HNRNPR: variants seen among roughly 807,000 people sequenced by gnomAD.
HNRNPR encodes heterogeneous nuclear ribonucleoprotein R.
Under a neutral mutation model 70.3 loss-of-function variants are expected in HNRNPR, and 4 were observed. The observed-to-expected ratio is 0.06, with a 90% CI of 0.03 to 0.13. The LOEUF (loss-of-function observed/expected upper bound fraction) is 0.13, where lower values mean the gene tolerates loss of function less well. Among genes scored for constraint, HNRNPR ranks in the 10% least tolerant of loss-of-function variants. The probability of loss-of-function intolerance (pLI) is 1.00; values close to 1 mark genes in which losing one functional copy is unlikely to be tolerated. For synonymous variants in HNRNPR, 241 were observed against 267.6 expected (o/e 0.90, Z 0.97); for missense variants, 423 against 788.5 (o/e 0.54, Z 5.55).
At chr1:23,312,093 T>G (rs897794242) in intron 9 of HNRNPR, among the ~76,000 whole-genome samples, 1 of 152,190 alleles carries the variant, frequency 6.6e-6, no homozygotes, top group Non-Finnish European at 1.5e-5. Flanking sequence ...TTTTATTTTT[T>G]GTTTCCCTAT....
At position 23,333,505 on chromosome 1, in the gene HNRNPR, A is replaced by G. The variant is rs746792047; in HGVS notation, c.498+13T>C. The G allele has an allele frequency of 3.9e-6, 6 of 1,528,996 alleles. No individual in the cohort carries two copies. The highest frequency in any genetic ancestry group is 5.4e-6 in the Non-Finnish European group (6 of 1,102,304). The allele number at this position is 1,528,996 out of a possible 1,614,324, so 94.7% of individuals were successfully genotyped here. ...ACTGGAAAGATCTTGGTAAACTGCT[A>G]AAGAACACTTACCTCCGTTCCAATT... On this transcript the variant is annotated intron_variant, in intron 5 of 10. Transcript: ENST00000302271.
Position 23,318,167 on chromosome 1 carries a change from T to C in HNRNPR, c.1017+316A>G, listed in dbSNP as rs113639895. Among the ~76,000 whole-genome samples, 10 of 142,868 alleles carry C rather than the reference T, an allele frequency of 7.0e-5. No individual in the cohort carries two copies. Among genetic ancestry groups the C allele is most frequent in the African/African-American group, 2.4e-4 (8 of 33,628 alleles). The allele number at this position is 142,868 out of a possible 152,430, so 93.7% of individuals were successfully genotyped here. On this transcript the variant is annotated intron_variant, in intron 8 of 10. Coordinates refer to ENST00000302271, the MANE Select transcript of HNRNPR (RefSeq NM_005826.5). This position sits in a 1 kb window ranked among gnomAD's most constrained non-coding sequence, Gnocchi z 4.2. The stretch of plus-strand genomic sequence containing the variant: ...TTACTTCTCTCTTTACTCAGGACTT[T>C]TAAAAAAAAAAAAAACCTCTATCCC...
In HNRNPR at chr1:23,311,236, C is replaced by T. The variant is rs371771062; in HGVS notation, c.1254G>A (p.Glu418=). 1.2e-5 allele frequency: 20 copies of T among 1,613,578 alleles called. No individual in the cohort carries two copies. In the East Asian group the frequency reaches 2.0e-4, roughly 16 times the overall value. The change falls in exon 10 of 11, where the codon GAG becomes GAA. Residue 418 remains glutamate (E), a synonymous_variant. Transcript: ENST00000302271. ...LAKPPDKKRK[E]RQAARQASRS... The stretch of plus-strand genomic sequence containing the variant: ...TGGAGGCCTGTCTAGCAGCTTGGCG[C>T]TCTTTCCTTTTCTTGTCTGGTGGCT...
At position 23,343,907 on chromosome 1, in the gene HNRNPR, A is replaced by C. The variant is rs1025357769; in HGVS notation, c.-10+304T>G. Reference sequence around the variant, plus strand: ...CAGGCCCTTCGCGGGATCCGGCCGCATGGAGCAGCGAGCGGAGGCGGGAAA... The same window carrying C: ...CAGGCCCTTCGCGGGATCCGGCCGCCTGGAGCAGCGAGCGGAGGCGGGAAA... On this transcript the variant is annotated intron_variant, in intron 1 of 10. Coordinates refer to ENST00000302271, the MANE Select transcript of HNRNPR (RefSeq NM_005826.5). Among the ~76,000 whole-genome samples, 3 of 152,220 alleles carry C rather than the reference A, an allele frequency of 2.0e-5. 1 individual carries two copies. Among genetic ancestry groups the C allele is most frequent in the African/African-American group, 7.2e-5 (3 of 41,562 alleles).
chr1:23,304,777 T>A lies in HNRNPR; in HGVS notation c.*5677A>T, dbSNP rs1400140444. On this transcript the variant is annotated 3_prime_UTR_variant, in exon 11 of 11. Transcript: ENST00000302271. The stretch of plus-strand genomic sequence containing the variant: ...GTACATGAACACTGTACCAAAAGCA[T>A]GATTTTTATTAAACTGATGATTAAA... The A allele has an allele frequency of 1.3e-5, 2 of 152,202 alleles. No homozygotes were observed. The highest frequency in any genetic ancestry group is 4.8e-5 in the African/African-American group (2 of 41,454). The allele number at this position is 152,202 out of a possible 1,614,324, so 9.4% of individuals were successfully genotyped here.
chr1:23,326,988 A>G (rs1646012934), intron 5 of HNRNPR, among the ~76,000 whole-genome samples: 1 of 152,160 alleles, frequency 6.6e-6, no homozygotes, highest in African/African-American at 2.4e-5. Context: ...CAAAATGATT[A>G]AAACCCAGCC....
At chr1:23,342,778 T>G (rs1646751534) in intron 1 of HNRNPR, among the ~76,000 whole-genome samples, 1 of 152,194 alleles carries the variant, frequency 6.6e-6, no homozygotes, top group South Asian at 2.1e-4. Context: ...GGCAAATTTT[T>G]AACAGAAAAG....
chr1:23,333,907 C>T (rs769607316), intron 4 of HNRNPR, among the ~76,000 whole-genome samples: 3 of 151,966 alleles, frequency 2.0e-5, no homozygotes, highest in Non-Finnish European at 4.4e-5. Flanking sequence ...CCATTTCTCC[C>T]TACTGTCTTT....
rs779092029 is a variant in HNRNPR, at chr1:23,313,549, C to T, written c.1167+4G>A. 3 of 1,530,930 alleles carry T rather than the reference C, an allele frequency of 2.0e-6. No individual in the cohort carries two copies. The South Asian group carries it at 3.8e-5, about 19-fold the overall frequency. 94.8% of individuals were successfully genotyped at this position (1,530,930 alleles called of 1,614,324 possible). A position where few individuals can be genotyped will look rare whatever the true frequency, so the allele number is the denominator to read the frequency against. On this transcript the variant is annotated splice_donor_region_variant and intron_variant, in intron 9 of 10. Coordinates refer to ENST00000302271, the MANE Select transcript of HNRNPR (RefSeq NM_005826.5). Reference sequence around the variant, plus strand: ...ATCAAGAACCAAAATTTCAAAATTCCTACCTTAACAGCTGCTCCTCTGTCT... The same window carrying T: ...ATCAAGAACCAAAATTTCAAAATTCTTACCTTAACAGCTGCTCCTCTGTCT...
intron 7 of HNRNPR, among the ~76,000 whole-genome samples, chr1:23,319,164 A>C (rs1569951531): frequency 1.3e-5 from 2 of 152,162 alleles, no homozygotes; most frequent in East Asian, 1.9e-4. Flanking sequence ...CTTTGCCCTT[A>C]TCTCTCCGTA....
At chr1:23,321,871 C>A (rs2148377112) in intron 6 of HNRNPR, among the ~76,000 whole-genome samples, 1 of 152,282 alleles carries the variant, frequency 6.6e-6, no homozygotes, top group Non-Finnish European at 1.5e-5. Context: ...ACCTTCACTA[C>A]TCTTCCATAT....
intron 4 of HNRNPR, among the ~76,000 whole-genome samples, chr1:23,336,977 T>C (rs1247774552): frequency 6.6e-6 from 1 of 152,226 alleles, no homozygotes; most frequent in Non-Finnish European, 1.5e-5. Context: ...GTGCTTTATA[T>C]ATGTTAATTC....
At chr1:23,338,311 T>C (rs1646580664) in intron 3 of HNRNPR, 179 bp downstream of exon 3, 1 of 410,618 alleles carries the variant, frequency 2.4e-6, no homozygotes, top group Non-Finnish European at 4.4e-6. Flanking sequence ...GAGAAAACTT[T>C]TGCTTTATAC....
chr1:23,317,529 C>A (rs938553817), intron 8 of HNRNPR, among the ~76,000 whole-genome samples: 4 of 152,056 alleles, frequency 2.6e-5, no homozygotes, highest in African/African-American at 9.7e-5. Context: ...GTACTCAAGG[C>A]ACCACTATTA....
At chr1:23,338,468 C>T in intron 3 of HNRNPR, 22 bp downstream of exon 3, 1 of 925,216 alleles carries the variant, frequency 1.1e-6, no homozygotes. Flanking sequence ...TGTTCAAAGA[C>T]ATTTCTGAGT....
Position 23,305,032 on chromosome 1 carries a change from T to C in HNRNPR, c.*5422A>G, listed in dbSNP as rs1645183072. On this transcript the variant is annotated 3_prime_UTR_variant, in exon 11 of 11. Transcript: ENST00000302271. ...ATGTGAGAAATCAAGAAAAGCAATG[T>C]TCATGGGATCCTGACAAATCTACTA... is the stretch of plus-strand genomic sequence containing the variant. 6.6e-6 allele frequency: 1 copy of C among 152,210 alleles called. No individual in the cohort carries two copies. Among genetic ancestry groups the C allele is most frequent in the East Asian group, 1.9e-4 (1 of 5,196 alleles). The allele number at this position is 152,210 out of a possible 1,614,324, so 9.4% of individuals were successfully genotyped here. A position where few individuals can be genotyped will look rare whatever the true frequency, so the allele number is the denominator to read the frequency against.
At chr1:23,343,612 G>A (rs975499643) in intron 1 of HNRNPR, among the ~76,000 whole-genome samples, 5 of 152,208 alleles carry the variant, frequency 3.3e-5, no homozygotes, top group African/African-American at 9.6e-5. Context: ...ACGGCCTCTA[G>A]TAGTCATTTT....
chr1:23,343,181 T>C (rs1646769142), intron 1 of HNRNPR, among the ~76,000 whole-genome samples: 1 of 152,152 alleles, frequency 6.6e-6, no homozygotes. Flanking sequence ...TCATTTGATC[T>C]AAACATTTTT....
chr1:23,333,780 TC>T, intron 4 of HNRNPR, 149 bp from the exon 5 acceptor site: 1 of 559,164 alleles, frequency 1.8e-6, no homozygotes, highest in African/African-American at 1.9e-5. Flanking sequence ...TCGCACTGGT[TC>T]CCCATACATG....
Sources: allele counts gnomAD v4.1 joint callset (sites outside exome capture counted in the v4.1 genomes callset), GRCh38; gene constraint gnomAD v4.1.1; non-coding constraint Gnocchi (gnomAD v3.1); transcripts MANE v1.5; gene names NCBI Gene and HGNC (gene_info 2026-07-23, HGNC 2026-07-21).